Variants in SLC6A11 observed in about 807,000 individuals in gnomAD.
The protein encoded by SLC6A11 is sodium- and chloride-dependent GABA transporter 3.
A neutral mutation model predicts 74.8 loss-of-function variants in SLC6A11; 25 were observed. That is an observed-to-expected ratio of 0.33 (90% confidence interval 0.24 to 0.47). SLC6A11 has a LOEUF of 0.47. SLC6A11 is among the 20% of genes least tolerant of loss of function. The pLI, the probability that SLC6A11 is intolerant of heterozygous loss-of-function variation, is 1.00. For synonymous variants in SLC6A11, 330 were observed against 330.2 expected, an observed-to-expected ratio of 1.00 and a Z score of 0.01; for missense variants, 574 against 837.0, an observed-to-expected ratio of 0.69 and a Z score of 3.88.
chr3:10,851,751 C>G (rs1472230721), intron 5 of SLC6A11, among the ~76,000 whole-genome samples: 1 of 152,252 alleles, frequency 6.6e-6, no homozygotes, highest in Non-Finnish European at 1.5e-5. Flanking sequence ...GCTGTCAGAG[C>G]CCATCAGGGT....
chr3:10,924,698 C>T (rs1229764178), intron 8 of SLC6A11, among the ~76,000 whole-genome samples: 1 of 152,096 alleles, frequency 6.6e-6, no homozygotes, highest in Non-Finnish European at 1.5e-5. Flanking sequence ...GCCATCACTT[C>T]ACAAAAGAAG....
At chr3:10,909,778 G>C (rs2106624643) in intron 6 of SLC6A11, among the ~76,000 whole-genome samples, 3 of 152,332 alleles carry the variant, frequency 2.0e-5, no homozygotes, top group Middle Eastern at 6.8e-3. Context: ...AAGCAGAACA[G>C]GCAATCCACT....
At chr3:10,849,306 A>C (rs1694543443) in intron 5 of SLC6A11, among the ~76,000 whole-genome samples, 1 of 152,172 alleles carries the variant, frequency 6.6e-6, no homozygotes, top group African/African-American at 2.4e-5. Context: ...AATGGGGATA[A>C]TTGAAATTAA....
chr3:10,898,822 A>G (rs1415654785), intron 6 of SLC6A11, among the ~76,000 whole-genome samples: 5 of 152,114 alleles, frequency 3.3e-5, no homozygotes, highest in Admixed American at 2.6e-4. Flanking sequence ...ACCAATACCA[A>G]TTTACTGTAT....
At chr3:10,890,019 C>A (rs1436593769) in intron 6 of SLC6A11, among the ~76,000 whole-genome samples, 2 of 152,216 alleles carry the variant, frequency 1.3e-5, no homozygotes, top group Non-Finnish European at 2.9e-5. Flanking sequence ...CCACATATGT[C>A]TATTTAAATT....
intron 5 of SLC6A11, among the ~76,000 whole-genome samples, chr3:10,870,473 T>C (rs548934669): frequency 1.3e-5 from 2 of 152,206 alleles, no homozygotes; most frequent in Admixed American, 6.5e-5. Context: ...AAGAATGCTG[T>C]GATCTATTAG....
intron 6 of SLC6A11, among the ~76,000 whole-genome samples, chr3:10,890,250 G>A (rs1695091993): frequency 2.0e-5 from 3 of 152,208 alleles, no homozygotes; most frequent in African/African-American, 4.8e-5. Flanking sequence ...GCCAGGTACT[G>A]GAAATGGAGC....
chr3:10,869,323 G>A lies in SLC6A11; in HGVS notation c.757-5638G>A, dbSNP rs1694802202. Among the ~76,000 whole-genome samples the A allele has an allele frequency of 2.0e-5, 3 of 152,196 alleles. No homozygotes were observed. The South Asian group carries it at 6.2e-4, about 32-fold the overall frequency. ...CAGCAACATCTGGGCAGACAGTGTG[G>A]TTTATGAGGCTAAGAGGGTGGCTTC... On this transcript the variant is annotated intron_variant, in intron 5 of 13. Coordinates refer to ENST00000254488, the MANE Select transcript of SLC6A11 (RefSeq NM_014229.3).
chr3:10,846,065 G>A (rs1694498724), intron 5 of SLC6A11, among the ~76,000 whole-genome samples: 1 of 152,124 alleles, frequency 6.6e-6, no homozygotes, highest in South Asian at 2.1e-4. Context: ...CCACCACATG[G>A]GGTGGTTGTG....
chr3:10,934,559 C>T (rs7648448), intron 12 of SLC6A11, among the ~76,000 whole-genome samples: 3,164 of 152,312 alleles, frequency 0.021, 119 homozygotes, highest in African/African-American at 0.072. Flanking sequence ...TGCCTGAGAC[C>T]GGACCACAGC....
intron 5 of SLC6A11, among the ~76,000 whole-genome samples, chr3:10,872,608 T>C (rs1286188655): frequency 1.3e-5 from 2 of 152,196 alleles, no homozygotes; most frequent in Non-Finnish European, 2.9e-5. Flanking sequence ...AAGCAGAAAT[T>C]TCCCTCCTGT....
intron 5 of SLC6A11, among the ~76,000 whole-genome samples, chr3:10,872,934 A>T (rs563613431): frequency 1.3e-5 from 2 of 152,134 alleles, no homozygotes; most frequent in Non-Finnish European, 2.9e-5. Context: ...GTGTCCCTGG[A>T]CCCCAAATGT....
chr3:10,888,765 C>T (rs1391957500), intron 6 of SLC6A11, among the ~76,000 whole-genome samples: 1 of 152,200 alleles, frequency 6.6e-6, no homozygotes, highest in Non-Finnish European at 1.5e-5. Flanking sequence ...AGAGGAACAA[C>T]CAAGTGCCTG....
intron 5 of SLC6A11, among the ~76,000 whole-genome samples, chr3:10,846,764 A>G (rs1427918609): frequency 6.6e-6 from 1 of 152,104 alleles, no homozygotes; most frequent in African/African-American, 2.4e-5. Flanking sequence ...GATCCTTACA[A>G]TCTGGGGAGC....
chr3:10,873,385 G>C (rs2581203), intron 5 of SLC6A11, among the ~76,000 whole-genome samples: 19,309 of 119,012 alleles, frequency 0.16, 3,322 homozygotes, highest in African/African-American at 0.21. Flanking sequence ...CTTCATTATT[G>C]TATCCTATCC....
intron 5 of SLC6A11, among the ~76,000 whole-genome samples, chr3:10,851,932 G>GGCTGGAGCACCAGCGGGGAGA (rs1694581227): frequency 6.6e-6 from 1 of 152,220 alleles, no homozygotes. Context: ...CACCAAGGTG[G>GGCTGGAGCACCAGCGGGGAGA]GCTGGAGCAC....
At chr3:10,934,211 TCTACCCTC>T in intron 12 of SLC6A11, 45 bp downstream of exon 12, 1 of 1,335,888 alleles carries the variant, frequency 7.5e-7, no homozygotes, top group Non-Finnish European at 1.1e-6. Flanking sequence ...TACCCACCCA[TCTACCCTC>T]CAACCCACGT....
At chr3:10,819,396 T>C (rs956687106) in intron 1 of SLC6A11, 69 bp from the exon 2 acceptor site, 20 of 1,480,748 alleles carry the variant, frequency 1.4e-5, no homozygotes, top group Non-Finnish European at 1.8e-5. Flanking sequence ...AGATGTTTAT[T>C]AAAGAGTTCT....
chr3:10,901,290 C>T (rs1285115367), intron 6 of SLC6A11, among the ~76,000 whole-genome samples: 1 of 152,254 alleles, frequency 6.6e-6, no homozygotes, highest in East Asian at 1.9e-4. Context: ...CTGCCCTATG[C>T]ACTCTCCATG....
Sources: gnomAD v4.1 joint callset for allele counts (sites outside exome capture counted in the v4.1 genomes callset) on GRCh38, gnomAD v4.1.1 for gene constraint, MANE v1.5 for transcripts, NCBI Gene and HGNC (gene_info 2026-07-23, HGNC 2026-07-21) for gene names.